ARHGEF28: variants seen among roughly 807,000 people sequenced by gnomAD.
ARHGEF28 encodes 190 kDa guanine nucleotide exchange factor.
In ARHGEF28, 152 loss-of-function variants were observed where a neutral mutation model predicts 206.6. That is an observed-to-expected ratio of 0.74 (90% CI 0.64 to 0.84). ARHGEF28 has a LOEUF of 0.84. Ranked by LOEUF, ARHGEF28 falls within the 40% of genes least tolerant of loss-of-function variation. ARHGEF28 has a pLI of 0.00. For missense variants in ARHGEF28, 2,028 were observed against 2,073.2 expected, an observed-to-expected ratio of 0.98 and a Z score of 0.42; for synonymous variants, 763 against 776.4, an observed-to-expected ratio of 0.98 and a Z score of 0.29.
At chr5:73,755,297 A>G (rs1752245632) in intron 4 of ARHGEF28, among the ~76,000 whole-genome samples, 1 of 149,614 alleles carries the variant, frequency 6.7e-6, no homozygotes, top group Admixed American at 6.7e-5. Flanking sequence ...TCTAACTATA[A>G]TATTGGAAGG....
At chr5:73,713,122 G>C (rs963364633) in intron 2 of ARHGEF28, among the ~76,000 whole-genome samples, 1 of 152,154 alleles carries the variant, frequency 6.6e-6, no homozygotes, top group Non-Finnish European at 1.5e-5. Context: ...ATTTGAGGCA[G>C]TCAATATTCT....
At chr5:73,905,506 A>T (rs1428371396) in intron 33 of ARHGEF28, among the ~76,000 whole-genome samples, 1 of 152,238 alleles carries the variant, frequency 6.6e-6, no homozygotes, top group Non-Finnish European at 1.5e-5. Flanking sequence ...GAATACAAGT[A>T]AATGAAAGAA....
Position 73,873,217 on chromosome 5 carries a change from G to C in ARHGEF28, c.2785G>C (p.Asp929His), listed in dbSNP as rs778692228. ...CAGSDRNFVI[D>H]RIGDILVQQF... ...TGGCAGCGACAGGAATTTTGTGATC[G>C]ACCGAATTGGAGATATTTTGGTACA... The change falls in exon 22 of 36, where the codon GAC becomes CAC. Residue 929 changes from aspartate (D) to histidine (H), a missense_variant. Physicochemically the swap from Asp to His is moderately conservative, Grantham distance 81 (BLOSUM62 -1). Transcript: ENST00000513042. The C allele has an allele frequency of 1.9e-6, 3 of 1,611,118 alleles. No homozygotes were observed. The African/African-American group carries it at 4.0e-5, about 22-fold the overall frequency.
chr5:73,729,220 T>G lies in ARHGEF28; in HGVS notation c.34-20617T>G, dbSNP rs561740002. ...TGCTCCCTGCCTCAGTTTCCTCATT[T>G]GTCAAATGAGGATTATAATAGACAC... On this transcript the variant is annotated intron_variant, in intron 2 of 35. Transcript: ENST00000513042. Among the ~76,000 whole-genome samples, 338 of 152,322 alleles carry G rather than the reference T, an allele frequency of 2.2e-3. 3 individuals carry two copies. The highest frequency in any genetic ancestry group is 1.6e-3 in the Non-Finnish European group (111 of 68,022).
chr5:73,889,361 G>A (rs1426471572), intron 26 of ARHGEF28, among the ~76,000 whole-genome samples: 1 of 152,216 alleles, frequency 6.6e-6, no homozygotes. Context: ...CTACAAGACA[G>A]TTTTGCTTTG....
At chr5:73,822,866 T>C (rs978732283) in intron 9 of ARHGEF28, among the ~76,000 whole-genome samples, 2 of 152,182 alleles carry the variant, frequency 1.3e-5, no homozygotes, top group African/African-American at 4.8e-5. Flanking sequence ...GGCTTAAGCA[T>C]TCCTCCTACC....
intron 2 of ARHGEF28, among the ~76,000 whole-genome samples, chr5:73,685,668 G>T (rs1475498596): frequency 3.3e-5 from 5 of 152,006 alleles, no homozygotes; most frequent in African/African-American, 9.7e-5. Context: ...CTGTCACCAG[G>T]CTGGAGGGCA....
chr5:73,693,459 G>A (rs977959712), intron 2 of ARHGEF28, among the ~76,000 whole-genome samples: 5 of 152,122 alleles, frequency 3.3e-5, no homozygotes, highest in African/African-American at 1.2e-4. Flanking sequence ...TTAATTGATG[G>A]TCATTTGCTC....
intron 16 of ARHGEF28, among the ~76,000 whole-genome samples, chr5:73,861,827 T>G (rs13180258): frequency 0.12 from 18,412 of 152,084 alleles, 1,456 homozygotes; most frequent in East Asian, 0.36. Flanking sequence ...CCACAACTTT[T>G]TTTAGAAGTA....
intron 4 of ARHGEF28, among the ~76,000 whole-genome samples, chr5:73,768,192 T>G (rs1753013946): frequency 6.6e-6 from 1 of 151,536 alleles, no homozygotes; most frequent in Non-Finnish European, 1.5e-5. Flanking sequence ...GTAGTGTGGA[T>G]GGGAAATGTG....
Position 73,892,198 on chromosome 5 carries a change from C to A in ARHGEF28, c.3534C>A (p.Asn1178Lys), listed in dbSNP as rs199885427. 3.3e-5 allele frequency: 52 copies of A among 1,572,008 alleles called. No individual in the cohort carries two copies. Among genetic ancestry groups the A allele is most frequent in the Non-Finnish European group, 4.1e-5 (48 of 1,157,100 alleles). Residue 1178 changes from asparagine to lysine, a missense_variant, in exon 27 of 36, where the codon AAC (asparagine) becomes AAA (lysine). Coordinates refer to ENST00000513042, the MANE Select transcript of ARHGEF28 (RefSeq NM_001177693.2). The stretch of plus-strand genomic sequence containing the variant: ...CCAATTCCAAGGAGGAACGCAATAA[C>A]TGGATGAGACGGATCCAGCAGGCTG... ...IHTNSKEERN[N>K]WMRRIQQAVE...
intron 1 of ARHGEF28, among the ~76,000 whole-genome samples, chr5:73,676,867 G>C (rs1746727977): frequency 1.3e-5 from 2 of 152,148 alleles, no homozygotes; most frequent in African/African-American, 4.8e-5. Flanking sequence ...AATTAGGCAT[G>C]GCCTATGGTG....
At chr5:73,921,721 T>C (rs1401307054) in intron 35 of ARHGEF28, among the ~76,000 whole-genome samples, 1 of 152,224 alleles carries the variant, frequency 6.6e-6, no homozygotes, top group African/African-American at 2.4e-5. Flanking sequence ...ATGTTTGTAT[T>C]AAATACAGAA....
Position 73,799,937 on chromosome 5 carries a change from A to G in ARHGEF28, c.1024+4546A>G, listed in dbSNP as rs992047013. Among the ~76,000 whole-genome samples the G allele has an allele frequency of 2.6e-5, 4 of 152,270 alleles. 1 individual carries two copies. The highest frequency in any genetic ancestry group is 9.6e-5 in the African/African-American group (4 of 41,556). On this transcript the variant is annotated intron_variant, in intron 9 of 35. Transcript: ENST00000513042. The stretch of plus-strand genomic sequence containing the variant: ...CTACTCTTCCAGGTCTGGCTGGTAG[A>G]GAGTGGGCTTGGCGCAAGTGCAAGA...
intron 15 of ARHGEF28, 136 bp from the exon 16 acceptor site, chr5:73,857,951 C>T: frequency 7.2e-7 from 1 of 1,390,642 alleles, no homozygotes; most frequent in Non-Finnish European, 9.7e-7. Flanking sequence ...TTATGGTGTC[C>T]CTCTGTGTGC....
intron 4 of ARHGEF28, among the ~76,000 whole-genome samples, chr5:73,768,267 C>T (rs529477504): frequency 2.0e-5 from 3 of 151,918 alleles, no homozygotes; most frequent in Admixed American, 2.0e-4. Context: ...AGAAGAGGGC[C>T]ACAATCTTCC....
At chr5:73,661,537 T>A (rs7730596) in intron 1 of ARHGEF28, among the ~76,000 whole-genome samples, 1 of 151,934 alleles carries the variant, frequency 6.6e-6, no homozygotes, top group African/African-American at 2.4e-5. Context: ...TGGCTTTTGA[T>A]GTGCCTTTCT....
At chr5:73,741,383 G>GTGTGTGTA (rs1751407170) in intron 2 of ARHGEF28, among the ~76,000 whole-genome samples, 5 of 18,316 alleles carry the variant, frequency 2.7e-4, no homozygotes, top group African/African-American at 1.5e-3. Flanking sequence ...GTGTGTGTGT[G>GTGTGTGTA]TGTATATATA....
intron 35 of ARHGEF28, among the ~76,000 whole-genome samples, chr5:73,937,182 C>T (rs1025728348): frequency 1.4e-4 from 22 of 152,230 alleles, no homozygotes; most frequent in African/African-American, 5.1e-4. Flanking sequence ...TCCTGTCCCA[C>T]ATGCCCACAA....
Sources: allele counts gnomAD v4.1 joint callset (sites outside exome capture counted in the v4.1 genomes callset), GRCh38; gene constraint gnomAD v4.1.1; transcripts MANE v1.5; gene names NCBI Gene and HGNC (gene_info 2026-07-23, HGNC 2026-07-21).